EVI5: variants seen among roughly 807,000 people sequenced by gnomAD.
EVI5 encodes the protein ecotropic viral integration site 5.
EVI5 carries 73 observed loss-of-function variants against 112.0 expected under a neutral mutation model. The observed-to-expected ratio is 0.65, with a 90% CI of 0.54 to 0.79. The LOEUF (loss-of-function observed/expected upper bound fraction) is 0.79. Ranked by LOEUF, EVI5 falls within the 30% of genes least tolerant of loss-of-function variation. The probability of loss-of-function intolerance (pLI) is 0.00; values close to 1 mark genes in which losing one functional copy is unlikely to be tolerated. For missense variants in EVI5, 900 were observed against 968.8 expected (o/e 0.93, Z 0.94); for synonymous variants, 305 against 319.9 (o/e 0.95, Z 0.50).
intron 19 of EVI5, among the ~76,000 whole-genome samples, chr1:92,551,127 C>T (rs1388283649): frequency 6.9e-6 from 1 of 144,330 alleles, no homozygotes; most frequent in Non-Finnish European, 1.5e-5. Context: ...ACTGCAACCT[C>T]AACCTCCTGG....
At chr1:92,539,210 CT>C (rs1664372765) in intron 19 of EVI5, among the ~76,000 whole-genome samples, 1 of 151,874 alleles carries the variant, frequency 6.6e-6, no homozygotes, top group African/African-American at 2.4e-5. Context: ...TGGAGGAAAA[CT>C]TTTTTTTAGG....
At chr1:92,532,866 T>C (rs1173903942) in intron 19 of EVI5, among the ~76,000 whole-genome samples, 2 of 151,804 alleles carry the variant, frequency 1.3e-5, no homozygotes, top group African/African-American at 2.4e-5. Context: ...TAAAATCACA[T>C]TGAAAAGAAC....
At chr1:92,527,124 T>A in intron 19 of EVI5, among the ~76,000 whole-genome samples, 1 of 152,068 alleles carries the variant, frequency 6.6e-6, no homozygotes, top group East Asian at 1.9e-4. Context: ...GTTTCAAGAA[T>A]GTATTTAGGG....
intron 19 of EVI5, among the ~76,000 whole-genome samples, chr1:92,515,030 T>A (rs1011715645): frequency 5.9e-5 from 9 of 152,160 alleles, no homozygotes; most frequent in African/African-American, 2.2e-4. Flanking sequence ...TTCTGCCTTC[T>A]CTCCCCAACT....
At chr1:92,756,580 A>T (rs1438737476) in intron 1 of EVI5, 24 of 507,352 alleles carry the variant, frequency 4.7e-5, no homozygotes, top group Admixed American at 4.1e-4. Context: ...GAAAGAAGCA[A>T]AGAGAGGACA....
At chr1:92,718,058 AC>A (rs546684439) in intron 2 of EVI5, among the ~76,000 whole-genome samples, 17 of 152,308 alleles carry the variant, frequency 1.1e-4, no homozygotes, top group Admixed American at 1.1e-3. Flanking sequence ...GTCCTGAGAG[AC>A]CTACAGAGAC....
At position 92,625,232 on chromosome 1, in the gene EVI5, A is replaced by G. The variant is rs1186392431; in HGVS notation, c.1668+562T>C. Among the ~76,000 whole-genome samples, 4 of 152,176 alleles carry G rather than the reference A, an allele frequency of 2.6e-5. No individual in the cohort carries two copies. The East Asian group carries it at 7.7e-4, about 29-fold the overall frequency. On this transcript the variant is annotated intron_variant, in intron 15 of 19. Coordinates refer to ENST00000684568, the MANE Select transcript of EVI5 (RefSeq NM_001350197.2). Reference sequence around the variant, plus strand: ...GTTTTAAAATTTCAAGTTTATTGCAATCTGATACTTTGTCAAAACATGTTT... The same window carrying G: ...GTTTTAAAATTTCAAGTTTATTGCAGTCTGATACTTTGTCAAAACATGTTT...
upstream of EVI5, among the ~76,000 whole-genome samples, chr1:92,789,440 C>CT (rs1362466683): frequency 6.6e-6 from 1 of 152,016 alleles, no homozygotes; most frequent in Non-Finnish European, 1.5e-5. Context: ...GCAGCTGGGA[C>CT]TACAGGCGCC....
intron 2 of EVI5, among the ~76,000 whole-genome samples, chr1:92,734,231 C>G (rs1676974787): frequency 6.6e-6 from 1 of 152,120 alleles, no homozygotes; most frequent in African/African-American, 2.4e-5. Flanking sequence ...TGCATTGGGG[C>G]ATATTTCTGA....
At chr1:92,530,322 G>A (rs1662645392) in intron 19 of EVI5, among the ~76,000 whole-genome samples, 1 of 152,144 alleles carries the variant, frequency 6.6e-6, no homozygotes. Context: ...ACCTCCCTGG[G>A]ACGAAGCACC....
At chr1:92,537,530 C>T (rs1664097469) in intron 19 of EVI5, among the ~76,000 whole-genome samples, 1 of 151,800 alleles carries the variant, frequency 6.6e-6, no homozygotes, top group Non-Finnish European at 1.5e-5. Context: ...TTATAGAATA[C>T]CTTTAATAGT....
At chr1:92,561,636 T>G in intron 19 of EVI5, among the ~76,000 whole-genome samples, 1 of 147,970 alleles carries the variant, frequency 6.8e-6, no homozygotes, top group African/African-American at 2.5e-5. Context: ...TATCTATCTA[T>G]CTATCTATCT....
intron 11 of EVI5, among the ~76,000 whole-genome samples, chr1:92,663,855 C>A (rs556265490): frequency 1.1e-4 from 16 of 152,276 alleles, no homozygotes; most frequent in African/African-American, 3.9e-4. Context: ...GGAGTTGGTC[C>A]TTCTGCTTCA....
chr1:92,643,433 C>T (rs576188737), intron 13 of EVI5, among the ~76,000 whole-genome samples: 2 of 151,844 alleles, frequency 1.3e-5, no homozygotes, highest in South Asian at 4.2e-4. Context: ...GCATGTGCCA[C>T]CATGCTTGGC....
intron 19 of EVI5, among the ~76,000 whole-genome samples, chr1:92,538,432 T>G (rs937616449): frequency 1.3e-5 from 2 of 152,224 alleles, no homozygotes; most frequent in Non-Finnish European, 2.9e-5. Context: ...AACACCCTCA[T>G]GAAAATGAAG....
At chr1:92,538,178 T>C (rs985111421) in intron 19 of EVI5, among the ~76,000 whole-genome samples, 4 of 152,216 alleles carry the variant, frequency 2.6e-5, no homozygotes, top group Admixed American at 6.5e-5. Context: ...GTCTTCTTCC[T>C]GGCAGCTGAC....
At chr1:92,552,836 A>G (rs978314482) in intron 19 of EVI5, among the ~76,000 whole-genome samples, 10 of 151,616 alleles carry the variant, frequency 6.6e-5, no homozygotes, top group African/African-American at 2.2e-4. Context: ...CTGATTTTTA[A>G]TTGCGATTTT....
chr1:92,543,017 T>C (rs1431486934), intron 19 of EVI5, among the ~76,000 whole-genome samples: 1 of 152,186 alleles, frequency 6.6e-6, no homozygotes, highest in Non-Finnish European at 1.5e-5. Flanking sequence ...GTTTTCAGAA[T>C]GGTAAATGTG....
intron 10 of EVI5, among the ~76,000 whole-genome samples, chr1:92,667,817 G>A (rs1244540232): frequency 2.6e-5 from 4 of 152,016 alleles, no homozygotes; most frequent in Admixed American, 6.6e-5. Context: ...GGGTTTCACC[G>A]TGTTAGCCAG....
Sources: gnomAD v4.1 joint callset for allele counts (sites outside exome capture counted in the v4.1 genomes callset) on GRCh38, gnomAD v4.1.1 for gene constraint, MANE v1.5 for transcripts, NCBI Gene and HGNC (gene_info 2026-07-23, HGNC 2026-07-21) for gene names.